JMY: variants seen among roughly 807,000 people sequenced by gnomAD.
JMY encodes the protein junction mediating and regulatory protein, p53 cofactor.
In JMY, 46 loss-of-function variants were observed where a neutral mutation model predicts 103.3. The observed-to-expected ratio is 0.45, with a 90% CI of 0.35 to 0.57. JMY has a LOEUF of 0.57. Among genes scored for constraint, JMY ranks in the 20% least tolerant of loss-of-function variants. JMY has a pLI of 0.00. For synonymous variants in JMY, 526 were observed against 489.3 expected (o/e 1.07, Z -0.99); for missense variants, 1,238 against 1,255.2 (o/e 0.99, Z 0.21).
intron 9 of JMY, 108 bp from the exon 10 acceptor site, chr5:79,315,892 T>C: frequency 2.4e-6 from 2 of 849,898 alleles, no homozygotes; most frequent in Non-Finnish European, 3.8e-6. Flanking sequence ...TTGAAGATGG[T>C]GTTTCAGCGT....
intron 9 of JMY, 69 bp downstream of exon 9, chr5:79,314,920 G>A: frequency 7.1e-7 from 1 of 1,400,536 alleles, no homozygotes; most frequent in Admixed American, 2.5e-5. Flanking sequence ...TATATTTTTT[G>A]ACGTTGCAAA....
intron 6 of JMY, among the ~76,000 whole-genome samples, chr5:79,302,156 G>A (rs1424303932): frequency 6.6e-6 from 1 of 150,838 alleles, no homozygotes; most frequent in Non-Finnish European, 1.5e-5. Flanking sequence ...AGAATGAAAA[G>A]TAAATAAGAT....
At position 79,276,175 on chromosome 5, in the gene JMY, A is replaced by G. The variant is rs1463975636; in HGVS notation, c.1033-1735A>G. On this transcript the variant is annotated intron_variant, in intron 1 of 10. Transcript: ENST00000396137. ...ACTCTGTCACCCAGGCTGGAGTGCA[A>G]TGGTACAGTCTTGGCTCACTGCAAC... Among the ~76,000 whole-genome samples, 9 of 151,876 alleles carry G rather than the reference A, an allele frequency of 5.9e-5. No individual in the cohort carries two copies. In the South Asian group the frequency reaches 6.3e-4, roughly 11 times the overall value.
intron 1 of JMY, among the ~76,000 whole-genome samples, chr5:79,250,397 A>G (rs1388721552): frequency 6.6e-6 from 1 of 152,136 alleles, no homozygotes; most frequent in African/African-American, 2.4e-5. Context: ...CGGTGATTCT[A>G]GTATTTTTTC....
intron 2 of JMY, chr5:79,285,007 A>G: frequency 1.2e-6 from 1 of 838,022 alleles, no homozygotes; most frequent in Non-Finnish European, 1.9e-6. Context: ...TTTTAAATCC[A>G]GTGTCTTTAA....
chr5:79,258,354 G>T (rs1205430118), intron 1 of JMY, among the ~76,000 whole-genome samples: 1 of 139,906 alleles, frequency 7.1e-6, no homozygotes, highest in Non-Finnish European at 1.5e-5. Context: ...TCTGGCTGGA[G>T]TACAGTGGTG....
intron 1 of JMY, among the ~76,000 whole-genome samples, chr5:79,255,855 C>T (rs1745225317): frequency 6.6e-6 from 1 of 152,242 alleles, no homozygotes; most frequent in Non-Finnish European, 1.5e-5. Context: ...GTGGCCATCA[C>T]CACTGGGACT....
intron 6 of JMY, among the ~76,000 whole-genome samples, chr5:79,302,475 G>A (rs1324344754): frequency 1.3e-5 from 2 of 152,164 alleles, no homozygotes; most frequent in African/African-American, 4.8e-5. Flanking sequence ...GTGAGGAAAG[G>A]CTTCTCTGAA....
Position 79,314,646 on chromosome 5 carries a change from C to T in JMY, c.2454C>T (p.Pro818=), listed in dbSNP as rs1747154004. ...CACCACCACCTCCCCCACCTCCTCC[C>T]CCTCCCCCACCACCACCACCTCTGC... ...PPTPPPPPPP[P]PPPPPPPLPV... The change falls in exon 9 of 11, where the codon CCC becomes CCT. Residue 818 remains proline, a synonymous_variant. Coordinates refer to ENST00000396137, the MANE Select transcript of JMY (RefSeq NM_152405.5). 1 of 1,516,706 alleles carries T rather than the reference C, an allele frequency of 6.6e-7. No homozygotes were observed. The highest frequency in any genetic ancestry group is 9.0e-7 in the Non-Finnish European group (1 of 1,105,576). The allele number at this position is 1,516,706 out of a possible 1,614,324, so 94.0% of individuals were successfully genotyped here.
chr5:79,237,925 C>G (rs1474163755), intron 1 of JMY, among the ~76,000 whole-genome samples: 2 of 152,092 alleles, frequency 1.3e-5, no homozygotes, highest in Non-Finnish European at 2.9e-5. Context: ...TAAGTGCGCT[C>G]TGTGTACTAC....
At chr5:79,252,295 T>C (rs1251397934) in intron 1 of JMY, among the ~76,000 whole-genome samples, 1 of 152,052 alleles carries the variant, frequency 6.6e-6, no homozygotes, top group African/African-American at 2.4e-5. Context: ...TAGTGATTTC[T>C]AGTTTATCTC....
chr5:79,241,795 T>G (rs1490608484), intron 1 of JMY, among the ~76,000 whole-genome samples: 1 of 152,194 alleles, frequency 6.6e-6, no homozygotes, highest in East Asian at 1.9e-4. Context: ...TTACAAGAGT[T>G]TACTATTGGA....
At position 79,300,806 on chromosome 5, in the gene JMY, G is replaced by A; in HGVS notation, c.1824G>A (p.Gln608=). ...AGAAACTTCAGCAGAAAGCACGCCA[G>A]CTGGAAGCAAGACGTGGACGGGTTT... ...ELQKLQQKAR[Q]LEARRGRVSA... The change falls in exon 6 of 11, where the codon CAG becomes CAA. Residue 608 remains glutamine, a synonymous_variant. Coordinates refer to ENST00000396137, the MANE Select transcript of JMY (RefSeq NM_152405.5). 6.2e-7 allele frequency: 1 copy of A among 1,610,192 alleles called. No homozygotes were observed.
intron 4 of JMY, among the ~76,000 whole-genome samples, chr5:79,298,425 G>A (rs1580363040): frequency 6.6e-6 from 1 of 152,218 alleles, no homozygotes; most frequent in East Asian, 1.9e-4. Context: ...AAGAGAGTAT[G>A]AAAAGGGATG....
At chr5:79,267,927 TA>T (rs1196735011) in intron 1 of JMY, among the ~76,000 whole-genome samples, 1 of 152,208 alleles carries the variant, frequency 6.6e-6, no homozygotes, top group Non-Finnish European at 1.5e-5. Flanking sequence ...GATTAGGTGG[TA>T]AGGTATGTGT....
chr5:79,237,707 G>C, intron 1 of JMY, 25 bp downstream of exon 1: 6 of 1,584,856 alleles, frequency 3.8e-6, no homozygotes, highest in Non-Finnish European at 5.2e-6. Flanking sequence ...TCCTAGTCTG[G>C]GCTCTACTGG....
At chr5:79,244,296 T>C (rs1476963523) in intron 1 of JMY, among the ~76,000 whole-genome samples, 1 of 152,162 alleles carries the variant, frequency 6.6e-6, no homozygotes, top group African/African-American at 2.4e-5. Context: ...CCACCACGCC[T>C]GGCCCAGATA....
intron 3 of JMY, 47 bp downstream of exon 3, chr5:79,290,318 TGGTTA>T (rs748376948): frequency 3.8e-6 from 5 of 1,308,514 alleles, no homozygotes; most frequent in Non-Finnish European, 5.1e-6. Context: ...TGAAAATGAG[TGGTTA>T]AGTATTTTAT....
At chr5:79,312,615 CTA>C in intron 8 of JMY, 117 bp downstream of exon 8, 1 of 468,164 alleles carries the variant, frequency 2.1e-6, no homozygotes, top group Non-Finnish European at 3.7e-6. Context: ...TATTTATAAA[CTA>C]TTATAACCAT....
Sources: gnomAD v4.1 joint callset for allele counts (sites outside exome capture counted in the v4.1 genomes callset) on GRCh38, gnomAD v4.1.1 for gene constraint, MANE v1.5 for transcripts, NCBI Gene and HGNC (gene_info 2026-07-23, HGNC 2026-07-21) for gene names.